The following EPHA5 variants were observed in gnomAD, a reference collection of about 807,000 sequenced individuals.
EPHA5 encodes ephrin type-A receptor 5.
In EPHA5, 60 loss-of-function variants were observed where a neutral mutation model predicts 105.0. The observed-to-expected ratio is 0.57, with a 90% CI of 0.46 to 0.71. The LOEUF (loss-of-function observed/expected upper bound fraction) is 0.71, where lower values mean the gene tolerates loss of function less well. Among genes scored for constraint, EPHA5 ranks in the 30% least tolerant of loss-of-function variants. The pLI, the probability that EPHA5 is intolerant of heterozygous loss-of-function variation, is 0.00. For missense variants in EPHA5, 1,218 were observed against 1,274.7 expected, an observed-to-expected ratio of 0.96 and a Z score of 0.68; for synonymous variants, 513 against 449.1, an observed-to-expected ratio of 1.14 and a Z score of -1.80.
chr4:65,505,629 G>A lies in EPHA5; in HGVS notation c.911-10086C>T, dbSNP rs79921470. 2.1e-3 allele frequency among the ~76,000 whole-genome samples: 319 copies of A among 152,160 alleles called. 1 individual carries two copies. The highest frequency in any genetic ancestry group is 7.0e-3 in the African/African-American group (290 of 41,534). On this transcript the variant is annotated intron_variant, in intron 3 of 16. Coordinates refer to ENST00000613740, the MANE Select transcript of EPHA5 (RefSeq NM_001281766.3). ...AAATATTGAGAAAATGCACTCTCACGTTAAGTTTTTAGAGCACCTAAATTT... is the reference window on the plus strand; with the variant it reads ...AAATATTGAGAAAATGCACTCTCACATTAAGTTTTTAGAGCACCTAAATTT...
chr4:65,390,328 A>G (rs2148953906), intron 8 of EPHA5, among the ~76,000 whole-genome samples: 1 of 152,110 alleles, frequency 6.6e-6, no homozygotes, highest in South Asian at 2.1e-4. Flanking sequence ...ATAAGCCCAA[A>G]GTTTGCCAGA....
intron 2 of EPHA5, among the ~76,000 whole-genome samples, chr4:65,629,896 C>T (rs890068749): frequency 6.6e-6 from 1 of 152,034 alleles, no homozygotes. Flanking sequence ...TCAATGTGAG[C>T]TAGTCACTTT....
intron 4 of EPHA5, among the ~76,000 whole-genome samples, chr4:65,494,739 A>G (rs962356353): frequency 2.0e-5 from 3 of 152,176 alleles, no homozygotes; most frequent in Non-Finnish European, 4.4e-5. Context: ...AAGAAACATG[A>G]CAGCTGCTTG....
chr4:65,455,775 A>G (rs962231136), intron 5 of EPHA5, among the ~76,000 whole-genome samples: 2 of 152,198 alleles, frequency 1.3e-5, no homozygotes, highest in African/African-American at 4.8e-5. Context: ...ATCACTGCTC[A>G]ATCTAACCTT....
At chr4:65,379,479 G>C (rs1377709682) in intron 8 of EPHA5, among the ~76,000 whole-genome samples, 1 of 151,496 alleles carries the variant, frequency 6.6e-6, no homozygotes, top group Non-Finnish European at 1.5e-5. Context: ...TAGATAATTT[G>C]GTTAACCTTT....
intron 8 of EPHA5, among the ~76,000 whole-genome samples, chr4:65,388,200 C>A (rs1365585255): frequency 2.7e-5 from 4 of 149,156 alleles, no homozygotes; most frequent in Admixed American, 2.0e-4. Flanking sequence ...GCCACATTTT[C>A]TTAATCCAGT....
intron 11 of EPHA5, among the ~76,000 whole-genome samples, chr4:65,355,748 A>G (rs1723239353): frequency 6.6e-6 from 1 of 151,616 alleles, no homozygotes; most frequent in Non-Finnish European, 1.5e-5. Flanking sequence ...GAAAGAACTC[A>G]GCGAAGAAAC....
At chr4:65,340,080 G>A (rs1721565879) in intron 14 of EPHA5, among the ~76,000 whole-genome samples, 1 of 152,090 alleles carries the variant, frequency 6.6e-6, no homozygotes, top group African/African-American at 2.4e-5. Flanking sequence ...TCGTGACATG[G>A]TATAAATACT....
intron 2 of EPHA5, among the ~76,000 whole-genome samples, chr4:65,606,470 A>G (rs1744239034): frequency 6.6e-6 from 1 of 152,202 alleles, no homozygotes; most frequent in Non-Finnish European, 1.5e-5. Context: ...ATTTTATAAG[A>G]GCAAATTAGA....
intron 4 of EPHA5, among the ~76,000 whole-genome samples, chr4:65,491,129 C>A (rs1353379128): frequency 6.7e-6 from 1 of 150,160 alleles, no homozygotes; most frequent in Non-Finnish European, 1.5e-5. Context: ...AAGAAACAAG[C>A]ATAGGAAAAT....
rs563506688 is a variant in EPHA5, at chr4:65,619,957, TC to T, written c.247-17654del. Reference sequence around the variant, plus strand: ...TATTATAAAGTTTCTCCTTTTTTCATCCCTATGCTCAATTTGAATGACCCAG... The same window carrying T: ...TATTATAAAGTTTCTCCTTTTTTCATCCTATGCTCAATTTGAATGACCCAG... On this transcript the variant is annotated intron_variant, in intron 2 of 16. Coordinates refer to ENST00000613740, the MANE Select transcript of EPHA5 (RefSeq NM_001281766.3). 9.3e-5 allele frequency among the ~76,000 whole-genome samples: 14 copies of T among 151,112 alleles called. No individual in the cohort carries two copies. In the East Asian group the frequency reaches 2.7e-3, roughly 29 times the overall value.
In EPHA5 at chr4:65,527,332, G is replaced by T. The variant is rs550554806; in HGVS notation, c.911-31789C>A. On this transcript the variant is annotated intron_variant, in intron 3 of 16. Coordinates refer to ENST00000613740, the MANE Select transcript of EPHA5 (RefSeq NM_001281766.3). ...CAAACGATGAAAAATAATGCTGACA[G>T]TAAAAGTTGTCAAGTTATACGTGAA... Among the ~76,000 whole-genome samples the T allele has an allele frequency of 4.6e-4, 70 of 152,168 alleles. 1 individual carries two copies. The South Asian group carries it at 5.6e-3, about 12-fold the overall frequency.
chr4:65,583,036 T>C (rs1741787554), intron 3 of EPHA5, among the ~76,000 whole-genome samples: 1 of 151,664 alleles, frequency 6.6e-6, no homozygotes, highest in Non-Finnish European at 1.5e-5. Flanking sequence ...TATTAAATTT[T>C]AGGCAATAGG....
At chr4:65,437,141 A>C (rs1725554599) in intron 5 of EPHA5, among the ~76,000 whole-genome samples, 1 of 152,092 alleles carries the variant, frequency 6.6e-6, no homozygotes. Flanking sequence ...TAAGTTATTT[A>C]CAATATTATT....
At chr4:65,358,757 G>A (rs1441247781) in intron 11 of EPHA5, among the ~76,000 whole-genome samples, 1 of 151,384 alleles carries the variant, frequency 6.6e-6, no homozygotes, top group Non-Finnish European at 1.5e-5. Flanking sequence ...TTTCAGATTG[G>A]GCAAATAAGA....
At chr4:65,561,417 T>C (rs1739005088) in intron 3 of EPHA5, among the ~76,000 whole-genome samples, 1 of 152,016 alleles carries the variant, frequency 6.6e-6, no homozygotes, top group African/African-American at 2.4e-5. Context: ...TGTCCCTCTG[T>C]TCAGATCCAT....
At chr4:65,588,643 G>T (rs1325564687) in intron 3 of EPHA5, among the ~76,000 whole-genome samples, 1 of 152,040 alleles carries the variant, frequency 6.6e-6, no homozygotes, top group Non-Finnish European at 1.5e-5. Context: ...TTTATTTATG[G>T]TCTCTCTATT....
rs148405476 is a variant in EPHA5 at position 65,477,453 on chromosome 4, C to T, written c.1402+12924G>A. ...TTTGAGACAGAGTCTCACTCTGTCG[C>T]CCAGGCTTGAGTGCAGTGGCGAGAT... is the stretch of plus-strand genomic sequence containing the variant. On this transcript the variant is annotated intron_variant, in intron 5 of 16. Transcript: ENST00000613740. Among the ~76,000 whole-genome samples, 897 of 152,060 alleles carry T rather than the reference C, an allele frequency of 5.9e-3. 2 individuals are homozygous for T. Among genetic ancestry groups the T allele is most frequent in the Non-Finnish European group, 7.5e-3 (509 of 67,986 alleles).
intron 13 of EPHA5, among the ~76,000 whole-genome samples, chr4:65,350,476 T>G (rs2148851201): frequency 6.6e-6 from 1 of 152,272 alleles, no homozygotes; most frequent in African/African-American, 2.4e-5. Flanking sequence ...ACTTTGAGAA[T>G]GAGAGCTATC....
Sources: allele counts gnomAD v4.1 joint callset (sites outside exome capture counted in the v4.1 genomes callset), GRCh38; gene constraint gnomAD v4.1.1; transcripts MANE v1.5; gene names NCBI Gene and HGNC (gene_info 2026-07-23, HGNC 2026-07-21).